PICALM: variants seen among roughly 807,000 people sequenced by gnomAD.
The protein encoded by PICALM is phosphatidylinositol-binding clathrin assembly protein.
Under a neutral mutation model 80.5 loss-of-function variants are expected in PICALM, and 40 were observed. The ratio of observed to expected loss-of-function variants is 0.50; its 90% confidence interval spans 0.39 to 0.65. PICALM has a LOEUF of 0.65. Ranked by LOEUF, PICALM falls within the 30% of genes least tolerant of loss-of-function variation. PICALM has a pLI of 0.00. For missense variants in PICALM, 676 were observed against 778.9 expected, an observed-to-expected ratio of 0.87 and a Z score of 1.57; for synonymous variants, 288 against 260.3, an observed-to-expected ratio of 1.11 and a Z score of -1.02.
At chr11:85,981,523 C>T (rs1051383109) in intron 16 of PICALM, among the ~76,000 whole-genome samples, 1 of 151,432 alleles carries the variant, frequency 6.6e-6, no homozygotes, top group African/African-American at 2.4e-5. Flanking sequence ...AGAAGAACGG[C>T]GTGAATCCGG....
intron 1 of PICALM, among the ~76,000 whole-genome samples, chr11:86,037,715 T>C (rs1374269566): frequency 6.6e-6 from 1 of 151,846 alleles, no homozygotes; most frequent in Non-Finnish European, 1.5e-5. Context: ...AAAAGTTATG[T>C]ATGTGTAATA....
At chr11:86,006,421 G>A (rs1201978115) in intron 8 of PICALM, among the ~76,000 whole-genome samples, 1 of 152,170 alleles carries the variant, frequency 6.6e-6, no homozygotes, top group Non-Finnish European at 1.5e-5. Flanking sequence ...GCCTAGGCGG[G>A]CAGATCACCT....
intron 17 of PICALM, among the ~76,000 whole-genome samples, chr11:85,977,811 G>C (rs2094327159): frequency 6.6e-6 from 1 of 152,130 alleles, no homozygotes; most frequent in Non-Finnish European, 1.5e-5. Flanking sequence ...TGGCAGCACA[G>C]ATACACACAC....
upstream of PICALM, chr11:86,069,809 C>T (rs2096490157): frequency 6.6e-6 from 1 of 152,242 alleles, no homozygotes; most frequent in African/African-American, 2.4e-5. Context: ...CGACACGTTG[C>T]TGCCATTCTA....
chr11:85,988,962 C>T (rs1340551119), intron 13 of PICALM, among the ~76,000 whole-genome samples: 1 of 152,156 alleles, frequency 6.6e-6, no homozygotes, highest in Non-Finnish European at 1.5e-5. Context: ...GAAAGCAAGC[C>T]TACACACTTT....
At chr11:86,016,770 C>G (rs2095486733) in intron 4 of PICALM, among the ~76,000 whole-genome samples, 1 of 152,204 alleles carries the variant, frequency 6.6e-6, no homozygotes, top group African/African-American at 2.4e-5. Flanking sequence ...AAAATCCTCT[C>G]CTAAGTATCT....
At chr11:85,984,185 GC>G (rs1208294528) in intron 13 of PICALM, among the ~76,000 whole-genome samples, 2 of 152,078 alleles carry the variant, frequency 1.3e-5, no homozygotes, top group African/African-American at 2.4e-5. Flanking sequence ...TAACAAATGA[GC>G]AACTCACACT....
At chr11:86,033,454 C>T (rs994580649) in intron 1 of PICALM, among the ~76,000 whole-genome samples, 9 of 151,956 alleles carry the variant, frequency 5.9e-5, no homozygotes, top group African/African-American at 2.2e-4. Context: ...TACTGTTGTT[C>T]CTCCTGCCTA....
intron 1 of PICALM, among the ~76,000 whole-genome samples, chr11:86,067,909 A>G (rs1051432170): frequency 6.6e-6 from 1 of 151,990 alleles, no homozygotes; most frequent in South Asian, 2.1e-4. Flanking sequence ...AGGCAAATAA[A>G]AATCCCAACT....
At chr11:86,068,253 C>G (rs1463331924) in intron 1 of PICALM, among the ~76,000 whole-genome samples, 2 of 152,104 alleles carry the variant, frequency 1.3e-5, no homozygotes, top group African/African-American at 2.4e-5. Flanking sequence ...AACAATGGGG[C>G]TTGGAGACGC....
At chr11:86,057,005 C>G (rs1476022328) in intron 1 of PICALM, among the ~76,000 whole-genome samples, 1 of 151,956 alleles carries the variant, frequency 6.6e-6, no homozygotes. Context: ...TGCAGGGGGG[C>G]CGAGGAGAGC....
chr11:86,011,991 C>A (rs953188111), intron 6 of PICALM, among the ~76,000 whole-genome samples: 2 of 151,700 alleles, frequency 1.3e-5, no homozygotes, highest in Non-Finnish European at 2.9e-5. Flanking sequence ...CTATCTTAAC[C>A]CAGCTAAATT....
intron 2 of PICALM, among the ~76,000 whole-genome samples, chr11:86,030,878 G>C (rs1398837200): frequency 6.6e-6 from 1 of 152,188 alleles, no homozygotes; most frequent in Non-Finnish European, 1.5e-5. Flanking sequence ...ACTTTGGGAG[G>C]CTAAGGTGGG....
chr11:86,067,363 G>A (rs2096461688), intron 1 of PICALM, among the ~76,000 whole-genome samples: 1 of 152,152 alleles, frequency 6.6e-6, no homozygotes, highest in African/African-American at 2.4e-5. Context: ...CTTACTTATC[G>A]TGACTATTGC....
chr11:86,056,706 G>A (rs1353792833), intron 1 of PICALM, among the ~76,000 whole-genome samples: 2 of 152,082 alleles, frequency 1.3e-5, no homozygotes, highest in Admixed American at 6.6e-5. Context: ...ATGTTCACAC[G>A]AAAACTTGTA....
At chr11:86,025,046 T>C (rs1198061592) in intron 3 of PICALM, among the ~76,000 whole-genome samples, 1 of 152,162 alleles carries the variant, frequency 6.6e-6, no homozygotes, top group East Asian at 1.9e-4. Context: ...GTAAAACAGA[T>C]CCCATTAAGA....
Position 86,068,706 on chromosome 11 carries a change from T to G in PICALM, c.75A>C (p.Thr25=). ...HSVTGSAVSK[T]VCKATTHEIM... ...TCTCGTGGGTCGTGGCCTTGCATAC[T>G]GTCTTGGATACGGCAGAGCCGGTGA... The change falls in exon 1 of 20, where the codon ACA becomes ACC. Residue 25 remains threonine, a synonymous_variant. Coordinates refer to ENST00000393346, the MANE Select transcript of PICALM (RefSeq NM_007166.4). 1 of 1,613,094 alleles carries G rather than the reference T, an allele frequency of 6.2e-7. No individual in the cohort carries two copies. The highest frequency in any genetic ancestry group is 1.7e-5 in the Admixed American group (1 of 59,988).
intron 1 of PICALM, among the ~76,000 whole-genome samples, chr11:86,040,110 T>G (rs2095931209): frequency 6.6e-6 from 1 of 151,850 alleles, no homozygotes; most frequent in Non-Finnish European, 1.5e-5. Context: ...CAAACTGTCT[T>G]AGTGTTATAA....
intron 13 of PICALM, among the ~76,000 whole-genome samples, chr11:85,985,703 G>GA (rs550292493): frequency 1.5e-3 from 221 of 152,192 alleles, no homozygotes; most frequent in Non-Finnish European, 2.5e-3. Flanking sequence ...ATCTACTCAA[G>GA]AAAAAAATCC....
Sources: gnomAD v4.1 joint callset for allele counts (sites outside exome capture counted in the v4.1 genomes callset) on GRCh38, gnomAD v4.1.1 for gene constraint, MANE v1.5 for transcripts, NCBI Gene and HGNC (gene_info 2026-07-23, HGNC 2026-07-21) for gene names.